SOX5: variants seen among roughly 807,000 people sequenced by gnomAD.
SOX5 encodes the protein SRY-box transcription factor 5, also known as transcription factor SOX-5.
Under a neutral mutation model 92.0 loss-of-function variants are expected in SOX5, and 9 were observed. The ratio of observed to expected loss-of-function variants is 0.10; its 90% confidence interval spans 0.06 to 0.17. The LOEUF is 0.17. SOX5 is among the 10% of genes least tolerant of loss of function. SOX5 has a pLI of 1.00. For synonymous variants in SOX5, 344 were observed against 336.3 expected, an observed-to-expected ratio of 1.02 and a Z score of -0.25; for missense variants, 642 against 944.5, an observed-to-expected ratio of 0.68 and a Z score of 4.20.
At chr12:24,520,822 G>A (rs1479691302) in intron 1 of SOX5, among the ~76,000 whole-genome samples, 6 of 152,110 alleles carry the variant, frequency 3.9e-5, no homozygotes, top group African/African-American at 1.2e-4. Flanking sequence ...AATGGCAACC[G>A]AAAGAAAGCA....
chr12:24,420,346 G>A (rs963903169), intron 1 of SOX5, among the ~76,000 whole-genome samples: 18 of 152,106 alleles, frequency 1.2e-4, no homozygotes, highest in African/African-American at 3.9e-4. Context: ...CCCAGTACAC[G>A]CGAAGCTATC....
At chr12:23,588,721 GCACACA>G (rs56083228) in intron 9 of SOX5, among the ~76,000 whole-genome samples, 113,873 of 149,328 alleles carry the variant, frequency 0.76, 44,680 homozygotes, top group East Asian at 0.94. Context: ...ATGGGATAGT[GCACACA>G]CACACACACA....
chr12:23,530,648 CTTATTA>C lies in SOX5; in HGVS notation c.*3565_*3570del, dbSNP rs1023761588. On this transcript the variant is annotated 3_prime_UTR_variant, in exon 15 of 15. Coordinates refer to ENST00000451604, the MANE Select transcript of SOX5 (RefSeq NM_006940.6). The stretch of plus-strand genomic sequence containing the variant: ...CCAATTGTGGTAAGTTAATCACTAA[CTTATTA>C]TTAGTAACTATAAATGAGTAACTTT... 9 of 152,224 alleles carry C rather than the reference CTTATTA, an allele frequency of 5.9e-5. No homozygotes were observed. The highest frequency in any genetic ancestry group is 2.1e-4 in the South Asian group (1 of 4,816). 9.4% of individuals were successfully genotyped at this position (152,224 alleles called of 1,614,324 possible). A position where few individuals can be genotyped will look rare whatever the true frequency, so the allele number is the denominator to read the frequency against.
At chr12:24,539,642 C>T (rs1403578154) in intron 1 of SOX5, among the ~76,000 whole-genome samples, 1 of 152,088 alleles carries the variant, frequency 6.6e-6, no homozygotes, top group Admixed American at 6.6e-5. Flanking sequence ...TGTTTGCTCT[C>T]CTTATACTCA....
At chr12:24,120,758 T>A (rs1948527572) in intron 4 of SOX5, among the ~76,000 whole-genome samples, 1 of 152,224 alleles carries the variant, frequency 6.6e-6, no homozygotes. Context: ...TTGAAATGGA[T>A]GATCCAAGGA....
intron 1 of SOX5, among the ~76,000 whole-genome samples, chr12:24,394,625 AT>A (rs1242378898): frequency 6.6e-6 from 1 of 152,184 alleles, no homozygotes; most frequent in Non-Finnish European, 1.5e-5. Flanking sequence ...TGCAATTAAT[AT>A]TTGTACAAAT....
chr12:24,297,561 A>G (rs1947415520), intron 2 of SOX5, among the ~76,000 whole-genome samples: 1 of 152,240 alleles, frequency 6.6e-6, no homozygotes, highest in South Asian at 2.1e-4. Flanking sequence ...GCTTCAAATA[A>G]TGAACAGATC....
At chr12:23,677,680 C>T (rs2085931109) in intron 6 of SOX5, among the ~76,000 whole-genome samples, 1 of 152,096 alleles carries the variant, frequency 6.6e-6, no homozygotes, top group African/African-American at 2.4e-5. Flanking sequence ...GATTATCCTG[C>T]TTATATTTCT....
chr12:24,159,203 T>C (rs1348855138), intron 4 of SOX5, among the ~76,000 whole-genome samples: 1 of 149,784 alleles, frequency 6.7e-6, no homozygotes, highest in Non-Finnish European at 1.5e-5. Context: ...CATCCATCCA[T>C]CCACTTAACC....
chr12:24,526,931 A>G (rs929611683), intron 1 of SOX5, among the ~76,000 whole-genome samples: 1 of 151,218 alleles, frequency 6.6e-6, no homozygotes, highest in African/African-American at 2.4e-5. Context: ...TGATTATGCC[A>G]CCTCAGCCTC....
chr12:23,984,995 G>A (rs1227041157), intron 4 of SOX5, among the ~76,000 whole-genome samples: 3 of 152,008 alleles, frequency 2.0e-5, no homozygotes, highest in Non-Finnish European at 4.4e-5. Context: ...AATAACTCTG[G>A]CAGCTTAGCG....
At chr12:24,456,698 A>G (rs891078637) in intron 1 of SOX5, among the ~76,000 whole-genome samples, 2 of 152,192 alleles carry the variant, frequency 1.3e-5, no homozygotes, top group African/African-American at 4.8e-5. Flanking sequence ...GGGACTCCTA[A>G]TAAACATTCG....
intron 11 of SOX5, among the ~76,000 whole-genome samples, chr12:23,548,499 C>T (rs1591958980): frequency 6.6e-6 from 1 of 151,626 alleles, no homozygotes; most frequent in African/African-American, 2.4e-5. Context: ...TGTACTTTCT[C>T]GTAACCCTTT....
intron 1 of SOX5, among the ~76,000 whole-genome samples, chr12:24,385,944 A>G (rs200819035): frequency 0.025 from 3,511 of 141,040 alleles, 116 homozygotes; most frequent in East Asian, 0.05. Context: ...AAAAAAAAAA[A>G]AGAGAGAGAG....
intron 2 of SOX5, among the ~76,000 whole-genome samples, chr12:24,346,588 G>T (rs1340177140): frequency 6.6e-6 from 1 of 151,854 alleles, no homozygotes; most frequent in African/African-American, 2.4e-5. Flanking sequence ...AAGTAGCTGG[G>T]ACTACAGGTG....
At chr12:24,384,938 C>T (rs1180684979) in intron 1 of SOX5, among the ~76,000 whole-genome samples, 6 of 152,116 alleles carry the variant, frequency 3.9e-5, no homozygotes, top group Middle Eastern at 3.2e-3. Flanking sequence ...GCATTTATCT[C>T]GCTTCATCTC....
intron 10 of SOX5, among the ~76,000 whole-genome samples, chr12:23,571,857 T>C (rs1178826053): frequency 6.6e-6 from 1 of 152,150 alleles, no homozygotes; most frequent in Non-Finnish European, 1.5e-5. Flanking sequence ...ATTATATGGA[T>C]ATCTACTCCA....
chr12:24,512,534 C>T (rs1949416211), intron 1 of SOX5, among the ~76,000 whole-genome samples: 1 of 152,142 alleles, frequency 6.6e-6, no homozygotes, highest in African/African-American at 2.4e-5. Context: ...CTTTTTCCCT[C>T]TGTATCTTGG....
intron 1 of SOX5, among the ~76,000 whole-genome samples, chr12:24,444,369 G>A (rs1345468802): frequency 6.6e-6 from 1 of 151,896 alleles, no homozygotes; most frequent in Non-Finnish European, 1.5e-5. Flanking sequence ...CAGATAATCA[G>A]AATAGATACA....
Sources: allele counts gnomAD v4.1 joint callset (sites outside exome capture counted in the v4.1 genomes callset), GRCh38; gene constraint gnomAD v4.1.1; transcripts MANE v1.5; gene names NCBI Gene and HGNC (gene_info 2026-07-23, HGNC 2026-07-21).